The following PTPRN2 variants were observed in gnomAD, a reference collection of about 807,000 sequenced individuals.
PTPRN2 encodes receptor-type tyrosine-protein phosphatase N2.
Under a neutral mutation model 118.8 loss-of-function variants are expected in PTPRN2, and 74 were observed. The ratio of observed to expected loss-of-function variants is 0.62; its 90% CI spans 0.52 to 0.76. The LOEUF (loss-of-function observed/expected upper bound fraction) is 0.76, where lower values mean the gene tolerates loss of function less well. Among genes scored for constraint, PTPRN2 ranks in the 30% least tolerant of loss-of-function variants. The probability of loss-of-function intolerance (pLI) is 0.00; values close to 1 mark genes in which losing one functional copy is unlikely to be tolerated. For synonymous variants in PTPRN2, 641 were observed against 608.0 expected (o/e 1.05, Z -0.80); for missense variants, 1,481 against 1,394.4 (o/e 1.06, Z -0.99).
intron 6 of PTPRN2, among the ~76,000 whole-genome samples, chr7:158,143,948 G>A (rs535638438): frequency 1.2e-3 from 182 of 152,150 alleles, no homozygotes; most frequent in African/African-American, 3.0e-3. Context: ...CCCCGCAGCC[G>A]GAGCTCCCCA....
intron 6 of PTPRN2, among the ~76,000 whole-genome samples, chr7:158,160,729 C>A (rs1181676692): frequency 2.0e-5 from 3 of 152,128 alleles, no homozygotes; most frequent in African/African-American, 7.2e-5. Flanking sequence ...GAGGGACATG[C>A]TTTTATACAT....
intron 11 of PTPRN2, among the ~76,000 whole-genome samples, chr7:158,014,795 A>G (rs536631850): frequency 1.3e-5 from 2 of 151,168 alleles, no homozygotes; most frequent in South Asian, 4.2e-4. Flanking sequence ...CCACACATTC[A>G]TCCATCCACC....
At chr7:157,559,029 G>T (rs112312044) in intron 21 of PTPRN2, among the ~76,000 whole-genome samples, 76 of 152,362 alleles carry the variant, frequency 5.0e-4, no homozygotes, top group African/African-American at 1.8e-3. Context: ...GACACTGCAC[G>T]GGATCGCTGC....
intron 2 of PTPRN2, among the ~76,000 whole-genome samples, chr7:158,329,035 G>T (rs1357486593): frequency 2.0e-5 from 3 of 152,008 alleles, no homozygotes; most frequent in Non-Finnish European, 4.4e-5. Flanking sequence ...ACTATGAGTG[G>T]GGCCTCCATT....
intron 3 of PTPRN2, among the ~76,000 whole-genome samples, chr7:158,276,873 C>A (rs1418526967): frequency 6.6e-6 from 1 of 152,184 alleles, no homozygotes; most frequent in Non-Finnish European, 1.5e-5. Context: ...GCGAGGCATG[C>A]CACTGTGAGC....
At chr7:158,441,037 TAGTAGTGA>T (rs1422692624) in intron 2 of PTPRN2, among the ~76,000 whole-genome samples, 3 of 146,524 alleles carry the variant, frequency 2.0e-5, no homozygotes, top group Admixed American at 6.7e-5. Context: ...GTGACAGTGG[TAGTAGTGA>T]TGGTGGTAGT....
chr7:157,576,217 G>A (rs1800030602), intron 19 of PTPRN2, among the ~76,000 whole-genome samples: 1 of 152,188 alleles, frequency 6.6e-6, no homozygotes, highest in Admixed American at 6.5e-5. Context: ...CACGCAGGGT[G>A]GTATCTGGGC....
At chr7:158,501,612 G>A (rs970261973) in intron 1 of PTPRN2, among the ~76,000 whole-genome samples, 1 of 152,210 alleles carries the variant, frequency 6.6e-6, no homozygotes, top group Non-Finnish European at 1.5e-5. Context: ...CCTGCCTCCA[G>A]ACAGCACAGC....
chr7:157,677,322 TTAAG>T (rs1796716179), intron 13 of PTPRN2, among the ~76,000 whole-genome samples: 1 of 152,178 alleles, frequency 6.6e-6, no homozygotes, highest in African/African-American at 2.4e-5. Flanking sequence ...GTGATTTTAA[TTAAG>T]TCTGATCTAA....
Position 157,861,895 on chromosome 7 carries a change from T to C in PTPRN2, c.1788+36778A>G, listed in dbSNP as rs55643610. 6.7e-6 allele frequency among the ~76,000 whole-genome samples: 1 copy of C among 148,656 alleles called. No homozygotes were observed. Among genetic ancestry groups the C allele is most frequent in the East Asian group, 2.0e-4 (1 of 4,972 alleles). On this transcript the variant is annotated intron_variant, in intron 12 of 22. Transcript: ENST00000389418. The surrounding 1 kb of genome is among the most constrained non-coding windows in gnomAD (Gnocchi z 5.8). ...TCTGTCCTCCCCATCACAGGGACAC[T>C]GCTGCTTCGAGGACTCTGTGTGCCG...
intron 3 of PTPRN2, among the ~76,000 whole-genome samples, chr7:158,269,580 A>G (rs914198378): frequency 1.3e-5 from 2 of 152,196 alleles, no homozygotes; most frequent in African/African-American, 4.8e-5. Flanking sequence ...TGGGGTGGGT[A>G]AAGGATGCTT....
chr7:158,306,727 T>C (rs2151062082), intron 3 of PTPRN2, among the ~76,000 whole-genome samples: 1 of 152,330 alleles, frequency 6.6e-6, no homozygotes, highest in East Asian at 1.9e-4. Flanking sequence ...AATATTGAGT[T>C]TTACTAAAAA....
At chr7:158,009,436 G>A (rs1254449761) in intron 11 of PTPRN2, among the ~76,000 whole-genome samples, 3 of 151,962 alleles carry the variant, frequency 2.0e-5, no homozygotes, top group Admixed American at 6.6e-5. Flanking sequence ...AAATGAAGCC[G>A]ATTCAGCATG....
At chr7:157,604,849 A>G (rs1801906385) in intron 15 of PTPRN2, among the ~76,000 whole-genome samples, 1 of 151,842 alleles carries the variant, frequency 6.6e-6, no homozygotes, top group South Asian at 2.1e-4. Flanking sequence ...TTCTGGGATA[A>G]CCCCCATCCT....
chr7:157,787,542 T>C lies in PTPRN2; in HGVS notation c.1789-104605A>G, dbSNP rs574849926. Among the ~76,000 whole-genome samples the C allele has an allele frequency of 4.7e-3, 716 of 152,272 alleles. 5 individuals carry two copies. The highest frequency in any genetic ancestry group is 6.8e-3 in the Non-Finnish European group (464 of 67,992). ...AGGAGAGCCCCTGGGCCTCACGTCC[T>C]GCTTCTCTCCTTGTCCTTCATGTCT... On this transcript the variant is annotated intron_variant, in intron 12 of 22. Transcript: ENST00000389418. This position sits in a 1 kb window ranked among gnomAD's most constrained non-coding sequence, Gnocchi z 5.3.
At chr7:158,441,176 GGCA>G (rs1370062530) in intron 2 of PTPRN2, among the ~76,000 whole-genome samples, 18 of 149,990 alleles carry the variant, frequency 1.2e-4, no homozygotes, top group Admixed American at 3.3e-4. Context: ...TAGCAGTGGT[GGCA>G]GTGGTGGTGA....
intron 2 of PTPRN2, among the ~76,000 whole-genome samples, chr7:158,366,473 T>G (rs1043018686): frequency 6.6e-6 from 1 of 152,030 alleles, no homozygotes; most frequent in Non-Finnish European, 1.5e-5. Context: ...ACAGCATCCC[T>G]GGGAGAAGCT....
chr7:157,900,936 C>T (rs1033617537), intron 11 of PTPRN2, among the ~76,000 whole-genome samples: 3 of 152,188 alleles, frequency 2.0e-5, no homozygotes, highest in Admixed American at 6.5e-5. Flanking sequence ...TAAAGGAACA[C>T]CCAAAGCTGG....
chr7:158,110,781 C>T (rs772257844), intron 10 of PTPRN2, 48 bp downstream of exon 10: 13 of 1,507,894 alleles, frequency 8.6e-6, no homozygotes, highest in Admixed American at 5.8e-5. Context: ...CCAGTCTCTG[C>T]GACCAAGCAA....
Sources: gnomAD v4.1 joint callset for allele counts (sites outside exome capture counted in the v4.1 genomes callset) on GRCh38, gnomAD v4.1.1 for gene constraint, Gnocchi (gnomAD v3.1) non-coding constraint, MANE v1.5 for transcripts, NCBI Gene and HGNC (gene_info 2026-07-23, HGNC 2026-07-21) for gene names.